The following FMN1 variants were observed in gnomAD, a reference collection of about 807,000 sequenced individuals.
FMN1 encodes formin 1, also known as formin-1.
A neutral mutation model predicts 132.4 loss-of-function variants in FMN1; 110 were observed. That is an observed-to-expected ratio of 0.83 (90% CI 0.71 to 0.97). The LOEUF (loss-of-function observed/expected upper bound fraction) is 0.97. Among genes scored for constraint, FMN1 ranks in the 50% least tolerant of loss-of-function variants. FMN1 has a pLI of 0.00. For missense variants in FMN1, 1,792 were observed against 1,705.3 expected (o/e 1.05, Z -0.90); for synonymous variants, 722 against 651.7 (o/e 1.11, Z -1.64).
intron 4 of FMN1, among the ~76,000 whole-genome samples, chr15:33,113,237 G>T (rs1394287097): frequency 1.5e-5 from 2 of 130,970 alleles, no homozygotes; most frequent in African/African-American, 5.1e-5. Context: ...CTTACCTAAA[G>T]GTCAGTGGGC....
At chr15:33,126,143 T>G (rs1293791955) in intron 4 of FMN1, among the ~76,000 whole-genome samples, 1 of 151,870 alleles carries the variant, frequency 6.6e-6, no homozygotes, top group Non-Finnish European at 1.5e-5. Flanking sequence ...GCTGACTAAA[T>G]GAGTTTATCC....
At chr15:33,066,981 C>A in intron 5 of FMN1, 1 of 1,613,974 alleles carries the variant, frequency 6.2e-7, no homozygotes, top group East Asian at 2.2e-5. Context: ...AAGTCCCCAT[C>A]CTTTGGTTTA....
At chr15:33,128,324 G>C (rs535325977) in intron 4 of FMN1, among the ~76,000 whole-genome samples, 1 of 152,178 alleles carries the variant, frequency 6.6e-6, no homozygotes, top group African/African-American at 2.4e-5. Flanking sequence ...GACCATCAAC[G>C]GGGTCTGATT....
At chr15:32,903,578 C>G (rs2060347992) in intron 12 of FMN1, among the ~76,000 whole-genome samples, 1 of 152,158 alleles carries the variant, frequency 6.6e-6, no homozygotes, top group Admixed American at 6.5e-5. Flanking sequence ...CCCAAGTTCC[C>G]AGAGCATGTA....
chr15:33,101,225 G>C (rs1044468689), intron 4 of FMN1, among the ~76,000 whole-genome samples: 5 of 152,122 alleles, frequency 3.3e-5, no homozygotes, highest in Admixed American at 1.3e-4. Context: ...GCCAAATCTG[G>C]CACTGACTAT....
chr15:32,985,903 T>C (rs893627143), intron 7 of FMN1, among the ~76,000 whole-genome samples: 2 of 152,184 alleles, frequency 1.3e-5, no homozygotes, highest in African/African-American at 4.8e-5. Flanking sequence ...AGAATTTTTA[T>C]AGTTCTAAAT....
At chr15:33,024,714 C>T (rs1194380433) in intron 6 of FMN1, among the ~76,000 whole-genome samples, 1 of 152,152 alleles carries the variant, frequency 6.6e-6, no homozygotes, top group Non-Finnish European at 1.5e-5. Context: ...AAATTCTACT[C>T]TAATGTTCAT....
chr15:32,848,311 G>A (rs970240327), intron 17 of FMN1, among the ~76,000 whole-genome samples: 5 of 150,148 alleles, frequency 3.3e-5, no homozygotes, highest in African/African-American at 1.3e-4. Context: ...AGAACGGAGG[G>A]GTTCCAGCAG....
At chr15:33,053,333 T>C (rs2037066515) in intron 6 of FMN1, among the ~76,000 whole-genome samples, 2 of 152,218 alleles carry the variant, frequency 1.3e-5, no homozygotes, top group South Asian at 4.1e-4. Flanking sequence ...ACATTCCCCT[T>C]GAGGTAACAT....
intron 17 of FMN1, among the ~76,000 whole-genome samples, chr15:32,816,013 G>A (rs1432425164): frequency 2.0e-5 from 3 of 152,212 alleles, no homozygotes; most frequent in East Asian, 3.8e-4. Context: ...TAAAAGAGAT[G>A]TTTGTAAGGT....
intron 7 of FMN1, among the ~76,000 whole-genome samples, chr15:32,989,659 G>A (rs931361305): frequency 6.6e-5 from 10 of 152,132 alleles, no homozygotes; most frequent in South Asian, 2.1e-4. Flanking sequence ...AGCCACCAGA[G>A]GTGTTTTAAG....
chr15:32,777,484 A>T (rs919737406), intron 19 of FMN1, among the ~76,000 whole-genome samples: 1 of 147,342 alleles, frequency 6.8e-6, no homozygotes, highest in Admixed American at 6.9e-5. Context: ...TATATATTAT[A>T]TTTATATATT....
At chr15:33,117,414 TGA>T (rs555359479) in intron 4 of FMN1, among the ~76,000 whole-genome samples, 3 of 152,230 alleles carry the variant, frequency 2.0e-5, no homozygotes, top group African/African-American at 4.8e-5. Context: ...ACACAGGGGC[TGA>T]GAGATTGACA....
intron 19 of FMN1, among the ~76,000 whole-genome samples, chr15:32,791,503 A>T (rs192764314): frequency 1.1e-4 from 16 of 152,266 alleles, no homozygotes; most frequent in Admixed American, 2.6e-4. Context: ...GATAACTATG[A>T]TCTAAATTCT....
At position 33,067,645 on chromosome 15, in the gene FMN1, T is replaced by A. The variant is rs768740501; in HGVS notation, c.2044-2571A>T. The stretch of plus-strand genomic sequence containing the variant: ...GTGAAACCCGAGACCCTGCTTCCTG[T>A]GGATCCAAGCCATTGCTGGAATCAT... On this transcript the variant is annotated intron_variant, in intron 5 of 20. Transcript: ENST00000616417. 14 of 1,614,028 alleles carry A rather than the reference T, an allele frequency of 8.7e-6. No homozygotes were observed. Among genetic ancestry groups the A allele is most frequent in the Non-Finnish European group, 1.1e-5 (13 of 1,179,886 alleles).
intron 4 of FMN1, among the ~76,000 whole-genome samples, chr15:33,127,123 T>C (rs1963160590): frequency 1.3e-5 from 2 of 152,204 alleles, no homozygotes; most frequent in African/African-American, 4.8e-5. Flanking sequence ...GATAGCATCC[T>C]GTTAACAAGC....
At chr15:32,968,604 C>G (rs1417167737) in intron 8 of FMN1, 110 bp downstream of exon 8, 26 of 1,501,790 alleles carry the variant, frequency 1.7e-5, no homozygotes, top group Non-Finnish European at 2.2e-5. Context: ...CTGTATCACA[C>G]TTGATAATGG....
intron 17 of FMN1, among the ~76,000 whole-genome samples, chr15:32,808,267 A>G (rs1031756451): frequency 2.0e-5 from 3 of 152,230 alleles, no homozygotes; most frequent in Non-Finnish European, 2.9e-5. Flanking sequence ...AGAACTCATG[A>G]TAACTAACTG....
At chr15:32,874,172 C>T (rs900715401) in intron 16 of FMN1, among the ~76,000 whole-genome samples, 2 of 151,780 alleles carry the variant, frequency 1.3e-5, no homozygotes, top group Non-Finnish European at 2.9e-5. Flanking sequence ...CAGGTGCCTG[C>T]CACCACGCCC....
Sources: gnomAD v4.1 joint callset for allele counts (sites outside exome capture counted in the v4.1 genomes callset) on GRCh38, gnomAD v4.1.1 for gene constraint, MANE v1.5 for transcripts, NCBI Gene and HGNC (gene_info 2026-07-23, HGNC 2026-07-21) for gene names.